Variants in GALNT13 observed in about 807,000 individuals in gnomAD.
GALNT13 encodes UDP-GalNAc:polypeptide N-acetylgalactosaminyltransferase 13.
GALNT13 carries 28 observed loss-of-function variants against 64.2 expected under a neutral mutation model. The observed-to-expected ratio is 0.44, with a 90% CI of 0.32 to 0.60. The LOEUF is 0.60. Ranked by LOEUF, GALNT13 falls within the 20% of genes least tolerant of loss-of-function variation. GALNT13 has a pLI of 0.05. For missense variants in GALNT13, 577 were observed against 669.8 expected, an observed-to-expected ratio of 0.86 and a Z score of 1.53; for synonymous variants, 214 against 224.6, an observed-to-expected ratio of 0.95 and a Z score of 0.42.
chr2:153,110,264 A>G, the GALNT13 span, among the ~76,000 whole-genome samples: 1 of 152,076 alleles, frequency 6.6e-6, no homozygotes, highest in African/African-American at 2.4e-5. Flanking sequence ...TTTTCCACAT[A>G]CTGTCACTGA....
At chr2:154,158,748 T>C (rs1323698136) in intron 4 of GALNT13, among the ~76,000 whole-genome samples, 1 of 152,190 alleles carries the variant, frequency 6.6e-6, no homozygotes, top group Non-Finnish European at 1.5e-5. Context: ...TCAATCTCTT[T>C]AATTATGCCT....
chr2:153,079,170 A>G, the GALNT13 span, among the ~76,000 whole-genome samples: 2 of 152,164 alleles, frequency 1.3e-5, no homozygotes, highest in African/African-American at 4.8e-5. Flanking sequence ...GCCAAACAGA[A>G]AAGTACTGGG....
chr2:154,217,699 A>G (rs1688117970), intron 4 of GALNT13, among the ~76,000 whole-genome samples: 1 of 152,216 alleles, frequency 6.6e-6, no homozygotes, highest in Admixed American at 6.5e-5. Flanking sequence ...TTAAGATTAA[A>G]ATAATTTTCT....
chr2:153,899,526 G>A (rs1406540293), intron 1 of GALNT13, among the ~76,000 whole-genome samples: 3 of 151,964 alleles, frequency 2.0e-5, no homozygotes, highest in African/African-American at 7.3e-5. Flanking sequence ...ACTATATTTA[G>A]TTTTCTCTGT....
intron 3 of GALNT13, among the ~76,000 whole-genome samples, chr2:154,131,170 A>G (rs1682591991): frequency 6.6e-6 from 1 of 152,170 alleles, no homozygotes; most frequent in Non-Finnish European, 1.5e-5. Flanking sequence ...TATCTTAGTG[A>G]ACACTTTAAA....
chr2:153,846,324 A>C, the GALNT13 span, among the ~76,000 whole-genome samples: 1 of 152,126 alleles, frequency 6.6e-6, no homozygotes, highest in Non-Finnish European at 1.5e-5. Flanking sequence ...GTAAAGCGAG[A>C]AATGTTTCCC....
chr2:153,672,948 G>GA, the GALNT13 span, among the ~76,000 whole-genome samples: 40 of 152,204 alleles, frequency 2.6e-4, no homozygotes, highest in Non-Finnish European at 4.0e-4. Context: ...AAATAAACTA[G>GA]AAAATCTAGA....
chr2:154,087,609 C>G (rs1413695921), intron 3 of GALNT13, among the ~76,000 whole-genome samples: 1 of 152,032 alleles, frequency 6.6e-6, no homozygotes, highest in East Asian at 1.9e-4. Context: ...TTTGCTTGAT[C>G]AGTAGTCTTC....
intron 2 of GALNT13, among the ~76,000 whole-genome samples, chr2:153,931,410 C>T (rs563420150): frequency 2.7e-4 from 41 of 151,716 alleles, no homozygotes; most frequent in African/African-American, 8.2e-4. Context: ...AGTGGGCTTC[C>T]TTGTCTTTTT....
chr2:154,078,931 C>T (rs986060506), intron 3 of GALNT13, among the ~76,000 whole-genome samples: 8 of 151,566 alleles, frequency 5.3e-5, no homozygotes, highest in Non-Finnish European at 7.4e-5. Context: ...TAATGCTACT[C>T]ATCTTTGGAG....
chr2:153,547,194 C>A, the GALNT13 span, among the ~76,000 whole-genome samples: 2 of 152,186 alleles, frequency 1.3e-5, no homozygotes, highest in Non-Finnish European at 2.9e-5. Context: ...TCAGTTCTTA[C>A]AAAATGCACC....
At chr2:154,438,171 T>C (rs1013006440) in intron 11 of GALNT13, among the ~76,000 whole-genome samples, 4 of 152,094 alleles carry the variant, frequency 2.6e-5, no homozygotes, top group Admixed American at 1.3e-4. Context: ...AGAAGAAAGA[T>C]TTAAACTTCT....
At chr2:153,932,182 T>C (rs1261026615) in intron 2 of GALNT13, among the ~76,000 whole-genome samples, 1 of 152,100 alleles carries the variant, frequency 6.6e-6, no homozygotes, top group African/African-American at 2.4e-5. Flanking sequence ...TTCTCCCCCT[T>C]TTTATTATTC....
At chr2:153,529,108 C>T in the GALNT13 span, among the ~76,000 whole-genome samples, 9 of 151,196 alleles carry the variant, frequency 6.0e-5, no homozygotes, top group Admixed American at 4.6e-4. Flanking sequence ...ATGAAGAAAA[C>T]AATACAAAAA....
At chr2:153,792,496 C>G in the GALNT13 span, among the ~76,000 whole-genome samples, 1 of 152,104 alleles carries the variant, frequency 6.6e-6, no homozygotes, top group African/African-American at 2.4e-5. Flanking sequence ...TGGAACCACT[C>G]CCTAAAGAAA....
At chr2:153,381,729 T>C in the GALNT13 span, among the ~76,000 whole-genome samples, 1 of 152,236 alleles carries the variant, frequency 6.6e-6, no homozygotes, top group Non-Finnish European at 1.5e-5. Flanking sequence ...AAAGCCCAGT[T>C]AACCTTAAAA....
At chr2:154,155,849 T>TG (rs1489812851) in intron 4 of GALNT13, among the ~76,000 whole-genome samples, 3 of 150,360 alleles carry the variant, frequency 2.0e-5, no homozygotes, top group African/African-American at 7.5e-5. Flanking sequence ...ATAAGTTGCA[T>TG]TTTGTTACAT....
intron 9 of GALNT13, among the ~76,000 whole-genome samples, chr2:154,307,289 CA>C (rs1270934696): frequency 1.3e-5 from 2 of 152,214 alleles, no homozygotes; most frequent in East Asian, 3.9e-4. Flanking sequence ...ACAATAAAAG[CA>C]GACAATAAAA....
At chr2:154,424,993 G>T (rs558955087) in intron 11 of GALNT13, among the ~76,000 whole-genome samples, 1 of 152,282 alleles carries the variant, frequency 6.6e-6, no homozygotes, top group South Asian at 2.1e-4. Flanking sequence ...TGCAAGCATT[G>T]TGGTAATAAT....
Sources: allele counts gnomAD v4.1 joint callset (sites outside exome capture counted in the v4.1 genomes callset), GRCh38; gene constraint gnomAD v4.1.1; transcripts MANE v1.5; gene names NCBI Gene and HGNC (gene_info 2026-07-23, HGNC 2026-07-21).